The following TOX variants were observed in gnomAD, a reference collection of about 807,000 sequenced individuals.
The protein encoded by TOX is thymocyte selection-associated high mobility group box protein TOX.
TOX carries 11 observed loss-of-function variants against 53.7 expected under a neutral mutation model. The ratio of observed to expected loss-of-function variants is 0.20; its 90% CI spans 0.13 to 0.34. TOX has a LOEUF of 0.34. TOX is among the 10% of genes least tolerant of loss of function. TOX has a pLI of 1.00. For missense variants in TOX, 570 were observed against 664.6 expected (o/e 0.86, Z 1.56); for synonymous variants, 225 against 245.3 (o/e 0.92, Z 0.77).
chr8:58,980,733 CCTT>C (rs1386006003), intron 1 of TOX, among the ~76,000 whole-genome samples: 1 of 151,872 alleles, frequency 6.6e-6, no homozygotes, highest in Non-Finnish European at 1.5e-5. Context: ...TTGGATCTGC[CCTT>C]CTTCAAATCT....
At chr8:59,035,092 G>T (rs780386819) in intron 1 of TOX, among the ~76,000 whole-genome samples, 3 of 152,064 alleles carry the variant, frequency 2.0e-5, no homozygotes, top group Non-Finnish European at 2.9e-5. Context: ...TAACTGCACC[G>T]CAACCACCCC....
At chr8:59,092,122 G>A (rs994531437) in intron 1 of TOX, among the ~76,000 whole-genome samples, 5 of 150,064 alleles carry the variant, frequency 3.3e-5, no homozygotes, top group African/African-American at 9.9e-5. Flanking sequence ...AATGGTGGTG[G>A]GCACCTGTAA....
intron 1 of TOX, among the ~76,000 whole-genome samples, chr8:59,001,762 G>A (rs992998163): frequency 4.0e-5 from 6 of 151,788 alleles, no homozygotes; most frequent in African/African-American, 1.5e-4. Flanking sequence ...ATAACTATAA[G>A]GTCAATCAGA....
intron 7 of TOX, chr8:58,814,605 C>A (rs1810141710): frequency 6.6e-6 from 1 of 152,074 alleles, no homozygotes; most frequent in Non-Finnish European, 1.5e-5. Context: ...TTTCAGGATG[C>A]CTTCTGTTCA....
chr8:59,022,134 G>T (rs1220189654), intron 1 of TOX, among the ~76,000 whole-genome samples: 1 of 152,112 alleles, frequency 6.6e-6, no homozygotes, highest in East Asian at 1.9e-4. Flanking sequence ...GAACCATCAT[G>T]ATATCAATTT....
rs1004670710 is a variant in TOX, at chr8:58,853,582, T to G, written c.412-1777A>C. On this transcript the variant is annotated intron_variant, in intron 3 of 8. Transcript: ENST00000361421. ...CAAAGATAAAACCCACCTCTCCTAATTCCAGTCTTTGATACTTCCCACTGT... is the reference window on the plus strand; with the variant it reads ...CAAAGATAAAACCCACCTCTCCTAAGTCCAGTCTTTGATACTTCCCACTGT... 8.5e-5 allele frequency among the ~76,000 whole-genome samples: 13 copies of G among 152,194 alleles called. 1 individual carries two copies. Among genetic ancestry groups the G allele is most frequent in the African/African-American group, 2.4e-5 (1 of 41,454 alleles).
At chr8:58,955,879 T>G (rs1338300581) in intron 2 of TOX, among the ~76,000 whole-genome samples, 1 of 151,678 alleles carries the variant, frequency 6.6e-6, no homozygotes, top group African/African-American at 2.4e-5. Flanking sequence ...GGATTACAGG[T>G]GCACTCCACC....
intron 1 of TOX, among the ~76,000 whole-genome samples, chr8:59,099,084 A>C (rs1487552494): frequency 1.3e-5 from 2 of 152,198 alleles, no homozygotes; most frequent in Non-Finnish European, 2.9e-5. Flanking sequence ...CAACAGCATT[A>C]GATTTTTAAA....
At chr8:59,025,030 C>A (rs2129419648) in intron 1 of TOX, among the ~76,000 whole-genome samples, 1 of 152,264 alleles carries the variant, frequency 6.6e-6, no homozygotes, top group South Asian at 2.1e-4. Flanking sequence ...CTCCATATTT[C>A]TACCACAAAG....
At chr8:58,981,723 G>A (rs947602147) in intron 1 of TOX, among the ~76,000 whole-genome samples, 4 of 151,884 alleles carry the variant, frequency 2.6e-5, no homozygotes, top group Admixed American at 6.6e-5. Flanking sequence ...AAGTCCACCC[G>A]AACAAACTCC....
intron 1 of TOX, among the ~76,000 whole-genome samples, chr8:59,009,476 G>A (rs557071133): frequency 9.9e-5 from 15 of 152,040 alleles, no homozygotes; most frequent in African/African-American, 2.9e-4. Context: ...GGGTTCAAGC[G>A]TTTCTCCTGC....
At chr8:59,108,253 C>A (rs1477813464) in intron 1 of TOX, among the ~76,000 whole-genome samples, 2 of 152,176 alleles carry the variant, frequency 1.3e-5, no homozygotes, top group African/African-American at 2.4e-5. Context: ...AAACGCTTGC[C>A]ACTTCAAAAT....
At chr8:59,095,438 G>A (rs369256697) in intron 1 of TOX, among the ~76,000 whole-genome samples, 1 of 152,070 alleles carries the variant, frequency 6.6e-6, no homozygotes, top group Admixed American at 6.5e-5. Context: ...ATGAAGTCTC[G>A]CTCTGTCGCC....
chr8:59,054,603 C>T (rs545507550), intron 1 of TOX, among the ~76,000 whole-genome samples: 33 of 151,892 alleles, frequency 2.2e-4, no homozygotes, highest in African/African-American at 7.7e-4. Flanking sequence ...TTTCCAGGAA[C>T]AACAATTAAA....
intron 1 of TOX, among the ~76,000 whole-genome samples, chr8:59,014,097 T>G (rs16924429): frequency 0.11 from 17,305 of 152,228 alleles, 1,127 homozygotes; most frequent in African/African-American, 0.17. Flanking sequence ...TAAAAGACAC[T>G]GTAATCATCC....
At chr8:58,971,118 G>C (rs1812994506) in intron 1 of TOX, among the ~76,000 whole-genome samples, 1 of 152,194 alleles carries the variant, frequency 6.6e-6, no homozygotes, top group African/African-American at 2.4e-5. Flanking sequence ...CTGGGGGTCC[G>C]TTCTAATAAG....
At chr8:59,027,448 A>T (rs554431537) in intron 1 of TOX, among the ~76,000 whole-genome samples, 1 of 36,544 alleles carries the variant, frequency 2.7e-5, no homozygotes, top group South Asian at 1.3e-3. Flanking sequence ...CATAGGAACA[A>T]GGTTTTTTTT....
chr8:58,884,504 A>C (rs1414303200), intron 3 of TOX, among the ~76,000 whole-genome samples: 3 of 152,172 alleles, frequency 2.0e-5, no homozygotes, highest in Non-Finnish European at 4.4e-5. Flanking sequence ...AAAATGATTT[A>C]TAAGTTGGTT....
chr8:58,867,268 A>G (rs1811118809), intron 3 of TOX, among the ~76,000 whole-genome samples: 1 of 152,106 alleles, frequency 6.6e-6, no homozygotes, highest in South Asian at 2.1e-4. Flanking sequence ...AAAATCACTT[A>G]TATTTTGATG....
Sources: gnomAD v4.1 joint callset for allele counts (sites outside exome capture counted in the v4.1 genomes callset) on GRCh38, gnomAD v4.1.1 for gene constraint, MANE v1.5 for transcripts, NCBI Gene and HGNC (gene_info 2026-07-23, HGNC 2026-07-21) for gene names.